BEND6: variants seen among roughly 807,000 people sequenced by gnomAD.
BEND6 encodes BEN domain-containing protein 6.
BEND6 carries 24 observed loss-of-function variants against 31.8 expected under a neutral mutation model. The observed-to-expected ratio is 0.75, with a 90% confidence interval of 0.55 to 1.06. The LOEUF is 1.06. Among genes scored for constraint, BEND6 ranks in the 50% least tolerant of loss-of-function variants. BEND6 has a pLI of 0.00. For missense variants in BEND6, 294 were observed against 327.4 expected, an observed-to-expected ratio of 0.90 and a Z score of 0.79; for synonymous variants, 109 against 114.6, an observed-to-expected ratio of 0.95 and a Z score of 0.31.
rs575805536 is a variant in BEND6, at chr6:56,991,753, C to A, written c.121-625C>A. ...AAAAATGTATAGCTTGATTATCACA[C>A]AATGAACACACCCATATAAAAAATA... On this transcript the variant is annotated intron_variant, in intron 2 of 6. Transcript: ENST00000370746. 1.1e-4 allele frequency among the ~76,000 whole-genome samples: 16 copies of A among 152,242 alleles called. No homozygotes were observed. The East Asian group carries it at 2.7e-3, about 26-fold the overall frequency.
At chr6:56,985,407 CTTGTTGA>C (rs1826222213) in intron 2 of BEND6, among the ~76,000 whole-genome samples, 1 of 152,082 alleles carries the variant, frequency 6.6e-6, no homozygotes, top group African/African-American at 2.4e-5. Context: ...TCCCTCTTAC[CTTGTTGA>C]TCTACCTTCC....
chr6:56,998,244 T>C (rs1217333872), intron 3 of BEND6, among the ~76,000 whole-genome samples: 1 of 152,202 alleles, frequency 6.6e-6, no homozygotes, highest in African/African-American at 2.4e-5. Context: ...GGGAAGACTA[T>C]ATGCTGATTA....
chr6:56,964,746 C>T (rs1024953432), intron 1 of BEND6, among the ~76,000 whole-genome samples: 2 of 152,216 alleles, frequency 1.3e-5, no homozygotes, highest in Admixed American at 1.3e-4. Context: ...ATCCTCCCAC[C>T]TCTGTCTCCC....
chr6:56,981,689 T>C, intron 1 of BEND6, 22 bp from the exon 2 acceptor site: 1 of 1,069,292 alleles, frequency 9.4e-7, no homozygotes, highest in South Asian at 1.4e-5. Flanking sequence ...TTATGTGTCA[T>C]GTTTTTGTTT....
intron 1 of BEND6, among the ~76,000 whole-genome samples, chr6:56,956,733 G>T (rs1825087502): frequency 6.6e-6 from 1 of 152,198 alleles, no homozygotes; most frequent in African/African-American, 2.4e-5. Flanking sequence ...TGGGTGACAG[G>T]TAGCACTACA....
At chr6:56,984,408 A>G (rs991170793) in intron 2 of BEND6, among the ~76,000 whole-genome samples, 19 of 152,320 alleles carry the variant, frequency 1.2e-4, no homozygotes, top group African/African-American at 4.6e-4. Flanking sequence ...TCAGTGTTTA[A>G]GAGGTTCCCA....
intron 6 of BEND6, among the ~76,000 whole-genome samples, chr6:57,023,709 G>A (rs12175661): frequency 0.052 from 7,898 of 152,216 alleles, 290 homozygotes; most frequent in East Asian, 0.094. Flanking sequence ...GGGCTCCAGC[G>A]ATCTTCCTAC....
intron 2 of BEND6, among the ~76,000 whole-genome samples, chr6:56,985,152 A>G (rs1320533794): frequency 2.0e-5 from 3 of 152,212 alleles, no homozygotes; most frequent in African/African-American, 7.2e-5. Flanking sequence ...ACAAGAATCA[A>G]TGGCTATCCA....
intron 1 of BEND6, among the ~76,000 whole-genome samples, chr6:56,958,584 G>A (rs1286170734): frequency 1.3e-5 from 2 of 152,200 alleles, no homozygotes; most frequent in Admixed American, 1.3e-4. Flanking sequence ...GAAATGTGGA[G>A]AGGTCAGAAC....
At position 56,990,315 on chromosome 6, in the gene BEND6, T is replaced by C. The variant is rs138547475; in HGVS notation, c.121-2063T>C. On this transcript the variant is annotated intron_variant, in intron 2 of 6. Coordinates refer to ENST00000370746, the MANE Select transcript of BEND6 (RefSeq NM_152731.3). The stretch of plus-strand genomic sequence containing the variant: ...TTCCAGGCTGTGTGTGATGTGATCA[T>C]GGCTCACCACAGCCTCAACCTACCA... Among the ~76,000 whole-genome samples, 148 of 148,662 alleles carry C rather than the reference T, an allele frequency of 1.0e-3. 1 individual carries two copies. Among genetic ancestry groups the C allele is most frequent in the African/African-American group, 3.5e-3 (142 of 40,508 alleles).
At chr6:56,967,326 A>T (rs1180533094) in intron 1 of BEND6, among the ~76,000 whole-genome samples, 3 of 152,156 alleles carry the variant, frequency 2.0e-5, no homozygotes, top group Admixed American at 1.3e-4. Flanking sequence ...GTCATAGTGG[A>T]AATGTTACCA....
intron 1 of BEND6, among the ~76,000 whole-genome samples, chr6:56,971,167 C>T (rs1414356091): frequency 6.6e-6 from 1 of 152,150 alleles, no homozygotes; most frequent in Non-Finnish European, 1.5e-5. Context: ...AATCACCATT[C>T]TACTTTCCGT....
chr6:57,008,224 A>C, intron 3 of BEND6: 1 of 702,938 alleles, frequency 1.4e-6, no homozygotes, highest in Non-Finnish European at 2.6e-6. Context: ...GAATGTGTTC[A>C]AACAGCTGCC....
chr6:56,990,574 C>T (rs964514706), intron 2 of BEND6, among the ~76,000 whole-genome samples: 3 of 152,164 alleles, frequency 2.0e-5, no homozygotes, highest in Admixed American at 2.0e-4. Context: ...ATTTCTTGGT[C>T]ATATTGTCTA....
chr6:57,018,030 G>A (rs1458405179), intron 5 of BEND6, among the ~76,000 whole-genome samples: 1 of 152,226 alleles, frequency 6.6e-6, no homozygotes, highest in Non-Finnish European at 1.5e-5. Context: ...GCTCATGCCT[G>A]TAATCCCAAT....
chr6:56,981,326 T>C (rs1044563385), intron 1 of BEND6, among the ~76,000 whole-genome samples: 3 of 152,188 alleles, frequency 2.0e-5, no homozygotes, highest in Non-Finnish European at 4.4e-5. Context: ...TCGGTTCTTA[T>C]GAAATCTATT....
intron 4 of BEND6, among the ~76,000 whole-genome samples, chr6:57,016,177 G>A (rs1265604909): frequency 6.6e-6 from 1 of 152,086 alleles, no homozygotes; most frequent in Non-Finnish European, 1.5e-5. Flanking sequence ...ACTTAATCAA[G>A]ACACAGATGC....
chr6:56,975,746 A>C, intron 1 of BEND6: 3 of 517,584 alleles, frequency 5.8e-6, no homozygotes, highest in South Asian at 1.6e-5. Flanking sequence ...TTGGTCCAGG[A>C]TTATGAAACG....
At chr6:56,994,379 A>G (rs1826622194) in intron 3 of BEND6, among the ~76,000 whole-genome samples, 1 of 139,528 alleles carries the variant, frequency 7.2e-6, no homozygotes, top group Non-Finnish European at 1.5e-5. Flanking sequence ...AATGGCATGA[A>G]CCTGGGAGGC....
Sources: allele counts gnomAD v4.1 joint callset (sites outside exome capture counted in the v4.1 genomes callset), GRCh38; gene constraint gnomAD v4.1.1; transcripts MANE v1.5; gene names NCBI Gene and HGNC (gene_info 2026-07-23, HGNC 2026-07-21).